Variants in PLCB4 observed in about 807,000 individuals in gnomAD.
PLCB4 encodes phospholipase C beta 4, also known as 1-phosphatidylinositol 4,5-bisphosphate phosphodiesterase beta-4.
In PLCB4, 77 loss-of-function variants were observed where a neutral mutation model predicts 178.8. That is an observed-to-expected ratio of 0.43 (90% CI 0.36 to 0.52). PLCB4 has a LOEUF of 0.52. Among genes scored for constraint, PLCB4 ranks in the 20% least tolerant of loss-of-function variants. The probability of loss-of-function intolerance (pLI) is 0.00; values close to 1 mark genes in which losing one functional copy is unlikely to be tolerated. For synonymous variants in PLCB4, 496 were observed against 490.8 expected, an observed-to-expected ratio of 1.01 and a Z score of -0.14; for missense variants, 1,024 against 1,453.4, an observed-to-expected ratio of 0.70 and a Z score of 4.80.
At chr20:9,314,122 G>A (rs1040778904) in intron 4 of PLCB4, among the ~76,000 whole-genome samples, 1 of 152,156 alleles carries the variant, frequency 6.6e-6, no homozygotes, top group African/African-American at 2.4e-5. Flanking sequence ...ATTCAGCTAG[G>A]GCAGAGGGTA....
chr20:9,386,063 G>A (rs577919526), intron 14 of PLCB4, among the ~76,000 whole-genome samples: 44 of 152,308 alleles, frequency 2.9e-4, no homozygotes, highest in Non-Finnish European at 5.0e-4. Flanking sequence ...GACCAGCCCC[G>A]TCAACAGGGC....
At chr20:9,395,437 C>T (rs1319112695) in intron 18 of PLCB4, 86 bp from the exon 19 acceptor site, 13 of 843,932 alleles carry the variant, frequency 1.5e-5, no homozygotes, top group Middle Eastern at 2.4e-4. Context: ...TCTCTTTTCA[C>T]GTCCTCCTCA....
chr20:9,216,799 C>G (rs2093738492), intron 2 of PLCB4, among the ~76,000 whole-genome samples: 2 of 152,272 alleles, frequency 1.3e-5, no homozygotes, highest in South Asian at 4.1e-4. Context: ...GCCACTGCAC[C>G]CGGCCACTTT....
chr20:9,170,558 G>C (rs1425543096), intron 2 of PLCB4, among the ~76,000 whole-genome samples: 3 of 152,142 alleles, frequency 2.0e-5, no homozygotes, highest in Non-Finnish European at 4.4e-5. Context: ...TCAGGCAGCT[G>C]TTTCCTACGA....
intron 3 of PLCB4, among the ~76,000 whole-genome samples, chr20:9,219,650 C>G (rs1235106640): frequency 6.6e-6 from 1 of 152,170 alleles, no homozygotes; most frequent in South Asian, 2.1e-4. Flanking sequence ...ATATGTCCCT[C>G]CATCCTCTCC....
At chr20:9,272,976 A>C (rs2094419048) in intron 3 of PLCB4, among the ~76,000 whole-genome samples, 1 of 151,878 alleles carries the variant, frequency 6.6e-6, no homozygotes, top group Non-Finnish European at 1.5e-5. Flanking sequence ...TTTTTGGAAA[A>C]TACTTTAAAG....
rs1440816826 is a variant in PLCB4 at position 9,459,770 on chromosome 20, C to A, written c.3208C>A (p.His1070Asn). ...GCTGAAAAAGCTACTCATCAATGCC[C>A]ACGAGCAGCAAACCCAGCAGCTGAA... ...ELLKKLLINA[H>N]EQQTQQLKLS... is the part of the protein sequence containing the mutation. The change falls in exon 35 of 40, where the codon CAC (histidine) becomes AAC (asparagine). Residue 1070 changes from histidine to asparagine, a missense_variant. Around this residue, in one of 7 missense-constraint regions of PLCB4, gnomAD observed 264 missense variants for 283.2 expected, o/e 0.93. Transcript: ENST00000378473. 6.2e-7 allele frequency: 1 copy of A among 1,612,150 alleles called. No individual in the cohort carries two copies. The highest frequency in any genetic ancestry group is 1.7e-5 in the Admixed American group (1 of 59,974).
intron 14 of PLCB4, among the ~76,000 whole-genome samples, chr20:9,386,036 C>T (rs1327144712): frequency 3.3e-5 from 5 of 152,286 alleles, no homozygotes; most frequent in Admixed American, 6.5e-5. Context: ...GCAGACCACT[C>T]GAGGTCAGGA....
At chr20:9,211,927 G>A (rs181262898) in intron 2 of PLCB4, among the ~76,000 whole-genome samples, 1 of 152,288 alleles carries the variant, frequency 6.6e-6, no homozygotes, top group African/African-American at 2.4e-5. Context: ...ACCATTAGTG[G>A]GAGAGTGTTC....
At chr20:9,296,972 A>G (rs1166772758) in intron 3 of PLCB4, among the ~76,000 whole-genome samples, 1 of 152,166 alleles carries the variant, frequency 6.6e-6, no homozygotes, top group African/African-American at 2.4e-5. Flanking sequence ...ACTAACCTGC[A>G]CGTTGTGCAC....
chr20:9,204,663 G>C (rs1029480504), intron 2 of PLCB4, among the ~76,000 whole-genome samples: 1 of 151,864 alleles, frequency 6.6e-6, no homozygotes, highest in South Asian at 2.1e-4. Flanking sequence ...GCGCCCGGCC[G>C]CTCTAAGACT....
At chr20:9,394,508 T>C (rs1273716307) in intron 18 of PLCB4, among the ~76,000 whole-genome samples, 2 of 152,158 alleles carry the variant, frequency 1.3e-5, no homozygotes, top group Non-Finnish European at 2.9e-5. Context: ...CAAGTAAGTA[T>C]ACTTACATCA....
chr20:9,354,581 G>A (rs899933016), intron 7 of PLCB4, among the ~76,000 whole-genome samples: 3 of 152,182 alleles, frequency 2.0e-5, no homozygotes, highest in Admixed American at 1.3e-4. Flanking sequence ...CCTATGAGAT[G>A]CTCAACCCGC....
chr20:9,294,304 A>G (rs1470052716), intron 3 of PLCB4, among the ~76,000 whole-genome samples: 1 of 152,144 alleles, frequency 6.6e-6, no homozygotes, highest in Non-Finnish European at 1.5e-5. Context: ...GGGTTTGGTT[A>G]TGACTCAGTC....
intron 7 of PLCB4, among the ~76,000 whole-genome samples, chr20:9,358,093 C>T (rs2148205948): frequency 6.6e-6 from 1 of 152,266 alleles, no homozygotes; most frequent in African/African-American, 2.4e-5. Context: ...TAAGGGTTTG[C>T]AACAGTGCTT....
chr20:9,083,794 G>C (rs148361010), intron 1 of PLCB4, among the ~76,000 whole-genome samples: 1 of 152,170 alleles, frequency 6.6e-6, no homozygotes, highest in Non-Finnish European at 1.5e-5. Flanking sequence ...ATGAGGACAC[G>C]GGAGAAGGTA....
chr20:9,088,215 TAGAG>T (rs1241717011), intron 1 of PLCB4, among the ~76,000 whole-genome samples: 7 of 149,880 alleles, frequency 4.7e-5, no homozygotes, highest in Non-Finnish European at 8.9e-5. Context: ...TATGAGGTGT[TAGAG>T]AGAGAAGGAA....
At chr20:9,435,220 T>C (rs921625684) in intron 28 of PLCB4, among the ~76,000 whole-genome samples, 21 of 152,258 alleles carry the variant, frequency 1.4e-4, no homozygotes, top group African/African-American at 5.1e-4. Context: ...CTGGGGACAT[T>C]AATCAACTTG....
intron 13 of PLCB4, among the ~76,000 whole-genome samples, chr20:9,380,945 T>G (rs944873584): frequency 6.6e-6 from 1 of 152,180 alleles, no homozygotes; most frequent in African/African-American, 2.4e-5. Flanking sequence ...TATTTTTTTC[T>G]TTGTATCTAA....
Sources: gnomAD v4.1 joint callset for allele counts (sites outside exome capture counted in the v4.1 genomes callset) on GRCh38, gnomAD v4.1.1 for gene constraint, gnomAD v4.1.1 regional missense constraint, MANE v1.5 for transcripts, NCBI Gene and HGNC (gene_info 2026-07-23, HGNC 2026-07-21) for gene names.